CSMD2: variants seen among roughly 807,000 people sequenced by gnomAD.
CSMD2 encodes CUB and Sushi multiple domains 2.
Under a neutral mutation model 398.5 loss-of-function variants are expected in CSMD2, and 130 were observed. That is an observed-to-expected ratio of 0.33 (90% confidence interval 0.28 to 0.38). CSMD2 has a LOEUF of 0.38. Ranked by LOEUF, CSMD2 falls within the 10% of genes least tolerant of loss-of-function variation. The pLI, the probability that CSMD2 is intolerant of heterozygous loss-of-function variation, is 1.00. For synonymous variants in CSMD2, 1,828 were observed against 1,908.5 expected, an observed-to-expected ratio of 0.96 and a Z score of 1.10; for missense variants, 3,829 against 4,764.9, an observed-to-expected ratio of 0.80 and a Z score of 5.78.
chr1:33,975,437 C>T (rs1645924102), intron 3 of CSMD2, among the ~76,000 whole-genome samples: 1 of 150,972 alleles, frequency 6.6e-6, no homozygotes, highest in East Asian at 1.9e-4. Flanking sequence ...TGAATAGATC[C>T]CTTTTAGAAG....
chr1:34,103,721 G>A (rs936194466), intron 1 of CSMD2, among the ~76,000 whole-genome samples: 1 of 151,492 alleles, frequency 6.6e-6, no homozygotes, highest in Non-Finnish European at 1.5e-5. Context: ...TTAGGTTGGT[G>A]CAAAGGTAAT....
chr1:33,808,598 G>T (rs1656497462), intron 10 of CSMD2, among the ~76,000 whole-genome samples: 1 of 152,004 alleles, frequency 6.6e-6, no homozygotes, highest in Non-Finnish European at 1.5e-5. Context: ...AGCCAAAGTA[G>T]TCCTCAGAGG....
At chr1:33,556,155 G>A (rs1657950819) in intron 55 of CSMD2, among the ~76,000 whole-genome samples, 1 of 152,046 alleles carries the variant, frequency 6.6e-6, no homozygotes, top group African/African-American at 2.4e-5. Context: ...ATATGGATAG[G>A]GTCACTTTAT....
chr1:33,595,397 T>C (rs1639770040), intron 44 of CSMD2, among the ~76,000 whole-genome samples: 2 of 152,246 alleles, frequency 1.3e-5, no homozygotes, highest in Admixed American at 1.3e-4. Context: ...GAGTATGATT[T>C]CAATTTGTCC....
At chr1:33,676,886 C>G (rs1644732490) in intron 25 of CSMD2, among the ~76,000 whole-genome samples, 1 of 152,130 alleles carries the variant, frequency 6.6e-6, no homozygotes, top group Non-Finnish European at 1.5e-5. Context: ...ATAAATGGTG[C>G]TGGGAAAACT....
intron 44 of CSMD2, among the ~76,000 whole-genome samples, chr1:33,597,304 C>G (rs1163992214): frequency 1.3e-5 from 2 of 152,152 alleles, no homozygotes; most frequent in South Asian, 2.1e-4. Flanking sequence ...TGAATATCCT[C>G]TCTTAGGTTT....
chr1:33,620,874 A>G (rs1045960648), intron 37 of CSMD2, among the ~76,000 whole-genome samples: 1 of 126,772 alleles, frequency 7.9e-6, no homozygotes, highest in African/African-American at 3.1e-5. Context: ...GCATCCTGGG[A>G]CCTGTTTAAT....
intron 1 of CSMD2, among the ~76,000 whole-genome samples, chr1:34,091,306 A>G (rs1658530169): frequency 6.6e-6 from 1 of 152,166 alleles, no homozygotes; most frequent in African/African-American, 2.4e-5. Flanking sequence ...GTATTTACTT[A>G]GTGTTTGGCT....
intron 5 of CSMD2, among the ~76,000 whole-genome samples, chr1:33,847,245 G>A (rs745855693): frequency 4.6e-5 from 7 of 151,944 alleles, no homozygotes; most frequent in Admixed American, 1.3e-4. Flanking sequence ...TGATCCTTCA[G>A]ACCACAGCAC....
intron 1 of CSMD2, among the ~76,000 whole-genome samples, chr1:34,142,153 C>T (rs1020144498): frequency 1.1e-4 from 17 of 152,194 alleles, no homozygotes; most frequent in African/African-American, 3.9e-4. Context: ...CCCTAAGCAG[C>T]TTCTCTGAGC....
chr1:33,739,655 T>A (rs998037943), intron 14 of CSMD2, among the ~76,000 whole-genome samples: 3 of 152,210 alleles, frequency 2.0e-5, no homozygotes, highest in Non-Finnish European at 4.4e-5. Flanking sequence ...GTTACCCTAC[T>A]TTACAAATGA....
chr1:33,741,647 C>G (rs1430305080), intron 14 of CSMD2, among the ~76,000 whole-genome samples: 1 of 152,174 alleles, frequency 6.6e-6, no homozygotes, highest in Admixed American at 6.5e-5. Flanking sequence ...TTTGACCTCT[C>G]CCATTTTTTG....
In CSMD2 at chr1:34,016,312, C is replaced by A. The variant is rs548332548; in HGVS notation, c.517+16282G>T. Among the ~76,000 whole-genome samples the A allele has an allele frequency of 1.2e-3, 188 of 152,040 alleles. 1 individual carries two copies. Among genetic ancestry groups the A allele is most frequent in the Non-Finnish European group, 2.2e-3 (152 of 67,990 alleles). ...TAATGCTCTCCCTTCCCTTTCCCCC[C>A]ACCCCCAATAGGCCCTAGAGTGTGA... On this transcript the variant is annotated intron_variant, in intron 3 of 70. Coordinates refer to ENST00000373381, the MANE Select transcript of CSMD2 (RefSeq NM_001281956.2).
chr1:33,842,694 A>G (rs1342603573), intron 6 of CSMD2, among the ~76,000 whole-genome samples: 1 of 152,228 alleles, frequency 6.6e-6, no homozygotes, highest in Admixed American at 6.5e-5. Context: ...CTGTGTTTCA[A>G]TAAACCTTTC....
chr1:33,610,271 A>G (rs1438183174), intron 41 of CSMD2, among the ~76,000 whole-genome samples: 1 of 152,028 alleles, frequency 6.6e-6, no homozygotes, highest in Non-Finnish European at 1.5e-5. Context: ...TTGGAAAAAA[A>G]ATCTAAAAAT....
At chr1:34,028,895 C>T (rs1650049569) in intron 3 of CSMD2, among the ~76,000 whole-genome samples, 1 of 152,218 alleles carries the variant, frequency 6.6e-6, no homozygotes, top group Admixed American at 6.5e-5. Flanking sequence ...TGATCTTTTC[C>T]TTGCGGCGGC....
chr1:33,847,221 T>G (rs1638320859), intron 5 of CSMD2, among the ~76,000 whole-genome samples: 1 of 152,080 alleles, frequency 6.6e-6, no homozygotes, highest in Non-Finnish European at 1.5e-5. Context: ...CCTCAGCTGC[T>G]GGGAGGAGGC....
intron 25 of CSMD2, among the ~76,000 whole-genome samples, chr1:33,680,553 C>T (rs546459121): frequency 2.0e-5 from 3 of 152,288 alleles, no homozygotes; most frequent in South Asian, 2.1e-4. Flanking sequence ...TAGCTCTTTG[C>T]TGATCCTTCA....
chr1:33,963,613 A>G (rs559815250), intron 3 of CSMD2, among the ~76,000 whole-genome samples: 2 of 151,852 alleles, frequency 1.3e-5, no homozygotes, highest in Admixed American at 1.3e-4. Context: ...GCTTTCCCTC[A>G]CTCTCAACTA....
Sources: allele counts gnomAD v4.1 joint callset (sites outside exome capture counted in the v4.1 genomes callset), GRCh38; gene constraint gnomAD v4.1.1; transcripts MANE v1.5; gene names NCBI Gene and HGNC (gene_info 2026-07-23, HGNC 2026-07-21).